Variants in TTLL5 observed in about 807,000 individuals in gnomAD.
TTLL5 encodes tubulin polyglutamylase TTLL5.
TTLL5 carries 132 observed loss-of-function variants against 168.4 expected under a neutral mutation model. The observed-to-expected ratio is 0.78, with a 90% CI of 0.68 to 0.91. The LOEUF is 0.91. Ranked by LOEUF, TTLL5 falls within the 40% of genes least tolerant of loss-of-function variation. The pLI is 0.00. For synonymous variants in TTLL5, 546 were observed against 558.6 expected, an observed-to-expected ratio of 0.98 and a Z score of 0.32; for missense variants, 1,545 against 1,581.5, an observed-to-expected ratio of 0.98 and a Z score of 0.39.
At chr14:75,682,208 A>G (rs1377514410) in intron 4 of TTLL5, among the ~76,000 whole-genome samples, 1 of 146,462 alleles carries the variant, frequency 6.8e-6, no homozygotes, top group Non-Finnish European at 1.5e-5. Context: ...AAAAAAAAAC[A>G]AACCCAAAAG....
intron 27 of TTLL5, among the ~76,000 whole-genome samples, chr14:75,795,451 G>A (rs10137238): frequency 6.6e-6 from 1 of 151,732 alleles, no homozygotes; most frequent in African/African-American, 2.4e-5. Flanking sequence ...GTAGGTTTTT[G>A]GGGGAACAGG....
At chr14:75,727,215 T>A (rs1224090237) in intron 12 of TTLL5, among the ~76,000 whole-genome samples, 1 of 152,220 alleles carries the variant, frequency 6.6e-6, no homozygotes, top group Non-Finnish European at 1.5e-5. Context: ...CGAAACCATA[T>A]GTTTATACGA....
intron 30 of TTLL5, among the ~76,000 whole-genome samples, chr14:75,884,711 T>C (rs1431585544): frequency 1.3e-5 from 2 of 152,176 alleles, no homozygotes; most frequent in Non-Finnish European, 2.9e-5. Flanking sequence ...AAGTTAATAC[T>C]AATAAAGACT....
chr14:75,762,211 C>T (rs1201555584), intron 18 of TTLL5, among the ~76,000 whole-genome samples: 12 of 151,928 alleles, frequency 7.9e-5, no homozygotes, highest in African/African-American at 1.2e-4. Context: ...CTGGCTAATA[C>T]GGTGAAACCC....
intron 27 of TTLL5, among the ~76,000 whole-genome samples, chr14:75,803,911 G>C (rs1048534686): frequency 6.6e-6 from 1 of 152,188 alleles, no homozygotes; most frequent in East Asian, 1.9e-4. Flanking sequence ...AGGGAGCGCT[G>C]GCCCTCTCCG....
At chr14:75,884,683 G>A (rs1044461806) in intron 30 of TTLL5, among the ~76,000 whole-genome samples, 1 of 152,120 alleles carries the variant, frequency 6.6e-6, no homozygotes, top group African/African-American at 2.4e-5. Context: ...TAAAACTCTA[G>A]GACAAGTCTC....
At chr14:75,920,214 G>T (rs1229557433) in intron 31 of TTLL5, among the ~76,000 whole-genome samples, 1 of 152,122 alleles carries the variant, frequency 6.6e-6, no homozygotes, top group African/African-American at 2.4e-5. Context: ...TATGGCAAGG[G>T]ACTTGTATCC....
At chr14:75,747,889 A>G (rs1198246758) in intron 17 of TTLL5, among the ~76,000 whole-genome samples, 1 of 152,202 alleles carries the variant, frequency 6.6e-6, no homozygotes, top group Non-Finnish European at 1.5e-5. Flanking sequence ...CAAACATTCA[A>G]GGGGTCCCTC....
rs1595096271 is a variant in TTLL5, at chr14:75,820,165, T to G, written c.3326+4T>G. 2 of 1,578,074 alleles carry G rather than the reference T, an allele frequency of 1.3e-6. No homozygotes were observed. Among genetic ancestry groups the G allele is most frequent in the East Asian group, 2.4e-5 (1 of 42,356 alleles). ...ACTCCAGCTCTCCTGGAAGCAGGTA[T>G]GTGAAGGGCCCTGCAACTAGCATTT... is the stretch of plus-strand genomic sequence containing the variant. On this transcript the variant is annotated splice_donor_region_variant and intron_variant, in intron 28 of 31. Transcript: ENST00000298832.
At chr14:75,868,392 A>G (rs2030713842) in intron 29 of TTLL5, among the ~76,000 whole-genome samples, 1 of 152,180 alleles carries the variant, frequency 6.6e-6, no homozygotes, top group Non-Finnish European at 1.5e-5. Flanking sequence ...AATTTTCAAC[A>G]TTAGTAAATA....
At position 75,832,711 on chromosome 14, in the gene TTLL5, C is replaced by T. The variant is rs545711946; in HGVS notation, c.3326+12550C>T. 1.8e-4 allele frequency among the ~76,000 whole-genome samples: 28 copies of T among 152,218 alleles called. 1 individual carries two copies. In the South Asian group the frequency reaches 4.4e-3, roughly 24 times the overall value. On this transcript the variant is annotated intron_variant, in intron 28 of 31. Coordinates refer to ENST00000298832, the MANE Select transcript of TTLL5 (RefSeq NM_015072.5). ...AAATAGTAATGTTTGTTTCTGCTGC[C>T]GATGTACAAAGACTAATCTCTCCCA...
chr14:75,766,022 A>T, intron 19 of TTLL5, 40 bp from the exon 20 acceptor site: 1 of 1,551,860 alleles, frequency 6.4e-7, no homozygotes, highest in Non-Finnish European at 8.7e-7. Flanking sequence ...AGGAACATTT[A>T]ATCCTTTTTT....
At chr14:75,711,971 C>G (rs1446171950) in intron 9 of TTLL5, 1 of 152,420 alleles carries the variant, frequency 6.6e-6, no homozygotes, top group African/African-American at 2.4e-5. Context: ...GAGACACCAA[C>G]AAGGGGGAGA....
intron 31 of TTLL5, among the ~76,000 whole-genome samples, chr14:75,912,937 C>T (rs1425238950): frequency 6.6e-6 from 1 of 152,108 alleles, no homozygotes; most frequent in Non-Finnish European, 1.5e-5. Flanking sequence ...TCTAAGTTTC[C>T]TTGTGGTCTT....
chr14:75,706,121 TTCTCCACCATGTGC>T (rs996820311), intron 7 of TTLL5, among the ~76,000 whole-genome samples: 3 of 152,200 alleles, frequency 2.0e-5, no homozygotes, highest in Admixed American at 6.5e-5. Flanking sequence ...GGCTCCTTTC[TTCTCCACCATGTGC>T]TTCCCAGCCT....
chr14:75,847,003 C>G (rs985357760), intron 28 of TTLL5, among the ~76,000 whole-genome samples: 6 of 151,774 alleles, frequency 4.0e-5, no homozygotes, highest in African/African-American at 1.2e-4. Flanking sequence ...AATACAAGTT[C>G]TATATTTCTT....
chr14:75,836,445 T>C (rs1482439106), intron 28 of TTLL5, among the ~76,000 whole-genome samples: 2 of 150,086 alleles, frequency 1.3e-5, no homozygotes, highest in East Asian at 2.0e-4. Context: ...GGTTAATGGA[T>C]ACAAAAAAAA....
At chr14:75,666,596 C>T (rs1305489965) in intron 2 of TTLL5, among the ~76,000 whole-genome samples, 3 of 152,224 alleles carry the variant, frequency 2.0e-5, no homozygotes, top group South Asian at 4.2e-4. Flanking sequence ...AAGGAAGTAT[C>T]GTAATGGGCT....
At chr14:75,740,181 A>G (rs763088124) in intron 15 of TTLL5, among the ~76,000 whole-genome samples, 1 of 152,200 alleles carries the variant, frequency 6.6e-6, no homozygotes, top group African/African-American at 2.4e-5. Flanking sequence ...ATCCAAAGAC[A>G]TTTAATATAT....
Sources: gnomAD v4.1 joint callset for allele counts (sites outside exome capture counted in the v4.1 genomes callset) on GRCh38, gnomAD v4.1.1 for gene constraint, MANE v1.5 for transcripts, NCBI Gene and HGNC (gene_info 2026-07-23, HGNC 2026-07-21) for gene names.